YWHAQ: variants seen among roughly 807,000 people sequenced by gnomAD.
YWHAQ encodes the protein 14-3-3 protein theta.
In YWHAQ, 6 loss-of-function variants were observed where a neutral mutation model predicts 28.3. The observed-to-expected ratio is 0.21, with a 90% confidence interval of 0.12 to 0.42. The LOEUF is 0.42. Ranked by LOEUF, YWHAQ falls within the 10% of genes least tolerant of loss-of-function variation. The pLI, the probability that YWHAQ is intolerant of heterozygous loss-of-function variation, is 1.00. For missense variants in YWHAQ, 201 were observed against 305.6 expected (o/e 0.66, Z 2.55); for synonymous variants, 143 against 119.1 (o/e 1.20, Z -1.31).
rs367832498 is a variant in YWHAQ at position 9,588,247 on chromosome 2, C to A, written c.500G>T (p.Arg167Leu). 2 of 1,608,072 alleles carry A rather than the reference C, an allele frequency of 1.2e-6. No homozygotes were observed. The highest frequency in any genetic ancestry group is 1.7e-6 in the Non-Finnish European group (2 of 1,178,484). The change falls in exon 4 of 6, where the codon CGC (arginine) becomes CTC (leucine). Residue 167 changes from arginine to leucine, a missense_variant. By Grantham distance (102) the Arg-to-Leu change is moderately radical. Transcript: ENST00000238081. ...AGAAAAGTTAAGAGCAAGCCCCAGG[C>A]GGATTGGGTGTGTGGGTTGCATCTC... Reference protein sequence around the residue: ...KKEMQPTHPIRLGLALNFSVF... With the variant: ...KKEMQPTHPILLGLALNFSVF...
chr2:9,630,099 A>G lies in YWHAQ; in HGVS notation c.294+60T>C. On this transcript the variant is annotated intron_variant, in intron 2 of 5. Transcript: ENST00000238081. The surrounding 1 kb of genome is among the most constrained non-coding windows in gnomAD (Gnocchi z 5.6). ...CTCACGTTTGTTTCCGTGCCCGCGA[A>G]ACTCTCAATGAAAAGCATCTCACAA... 2 of 1,559,480 alleles carry G rather than the reference A, an allele frequency of 1.3e-6. No homozygotes were observed. Among genetic ancestry groups the G allele is most frequent in the Admixed American group, 3.6e-5 (2 of 56,180 alleles).
chr2:9,618,674 ATTT>A (rs34048944), intron 2 of YWHAQ, among the ~76,000 whole-genome samples: 1 of 134,590 alleles, frequency 7.4e-6, no homozygotes, highest in Admixed American at 7.5e-5. Context: ...CACTGTTTTG[ATTT>A]TTTTTTTTTT....
At chr2:9,606,476 A>G (rs112191006) in intron 2 of YWHAQ, among the ~76,000 whole-genome samples, 146 of 152,320 alleles carry the variant, frequency 9.6e-4, no homozygotes, top group African/African-American at 3.1e-3. Context: ...ACCTTACTAC[A>G]GTTTTATTAG....
chr2:9,607,455 C>G (rs1256009112), intron 2 of YWHAQ, among the ~76,000 whole-genome samples: 2 of 150,938 alleles, frequency 1.3e-5, no homozygotes, highest in African/African-American at 4.9e-5. Flanking sequence ...GATCCACCCC[C>G]CTCGGCTTCC....
chr2:9,607,903 G>A (rs556098421), intron 2 of YWHAQ, among the ~76,000 whole-genome samples: 1 of 151,730 alleles, frequency 6.6e-6, no homozygotes, highest in Non-Finnish European at 1.5e-5. Context: ...GTAGAGACGG[G>A]GTTTTCGCCA....
chr2:9,598,011 T>TG (rs1553373002), intron 2 of YWHAQ, among the ~76,000 whole-genome samples: 9 of 137,102 alleles, frequency 6.6e-5, no homozygotes, highest in Non-Finnish European at 1.4e-4. Flanking sequence ...TTTTTTTTTT[T>TG]TTAGTAGAGA....
At chr2:9,617,862 G>A (rs1408195602) in intron 2 of YWHAQ, among the ~76,000 whole-genome samples, 1 of 151,940 alleles carries the variant, frequency 6.6e-6, no homozygotes, top group African/African-American at 2.4e-5. Flanking sequence ...AGGAGTTTGA[G>A]GATGCAGTGA....
chr2:9,623,482 T>C (rs1299120220), intron 2 of YWHAQ, among the ~76,000 whole-genome samples: 4 of 152,180 alleles, frequency 2.6e-5, no homozygotes, highest in Non-Finnish European at 5.9e-5. Flanking sequence ...GCATTAAAAG[T>C]CTGAACCACG....
chr2:9,585,187 T>C lies in YWHAQ; in HGVS notation c.*99A>G. On this transcript the variant is annotated 3_prime_UTR_variant, in exon 6 of 6. Transcript: ENST00000238081. ...CTATAAACAGTTGATTCCATACACATGAATGGGTTTCTTTGCTATAGGAAA... is the reference window on the plus strand; with the variant it reads ...CTATAAACAGTTGATTCCATACACACGAATGGGTTTCTTTGCTATAGGAAA... 1.2e-5 allele frequency: 16 copies of C among 1,318,022 alleles called. No homozygotes were observed. The highest frequency in any genetic ancestry group is 1.7e-5 in the Non-Finnish European group (16 of 917,796). 81.6% of individuals were successfully genotyped at this position (1,318,022 alleles called of 1,614,324 possible).
At chr2:9,623,946 A>G (rs1026306892) in intron 2 of YWHAQ, among the ~76,000 whole-genome samples, 2 of 152,166 alleles carry the variant, frequency 1.3e-5, no homozygotes, top group African/African-American at 2.4e-5. Context: ...AGGGCTTTGG[A>G]GACAACTATG....
intron 2 of YWHAQ, 141 bp from the exon 3 acceptor site, chr2:9,591,656 G>A: frequency 8.9e-7 from 1 of 1,118,104 alleles, no homozygotes; most frequent in South Asian, 2.1e-5. Flanking sequence ...TGGACTTGAA[G>A]CATGTTCTTA....
rs1309583828 is a variant in YWHAQ, at chr2:9,630,278, A to G, written c.175T>C (p.Trp59Arg). 6.2e-7 allele frequency: 1 copy of G among 1,614,166 alleles called. No homozygotes were observed. Among genetic ancestry groups the G allele is most frequent in the Non-Finnish European group, 8.5e-7 (1 of 1,180,032 alleles). Residue 59 changes from tryptophan (W) to arginine (R), a missense_variant, in exon 2 of 6, where the codon TGG (tryptophan) becomes CGG (arginine). Transcript: ENST00000238081. This position sits in a 1 kb window ranked among gnomAD's most constrained non-coding sequence, Gnocchi z 5.6. ...TGCTCGATGCTAGAGATGACCCTCC[A>G]GGCGGACCTGCGGCCCCCGACCACG... ...KNVVGGRRSA[W>R]RVISSIEQKT...
At chr2:9,612,290 C>A (rs1386389328) in intron 2 of YWHAQ, among the ~76,000 whole-genome samples, 1 of 152,220 alleles carries the variant, frequency 6.6e-6, no homozygotes, top group Non-Finnish European at 1.5e-5. Context: ...CCAGATTAAT[C>A]TTAAATTCCA....
intron 5 of YWHAQ, among the ~76,000 whole-genome samples, chr2:9,585,591 G>A (rs1666326888): frequency 6.6e-6 from 1 of 152,016 alleles, no homozygotes; most frequent in Non-Finnish European, 1.5e-5. Context: ...ACTGGAGCAT[G>A]GTTTTATAGC....
intron 2 of YWHAQ, among the ~76,000 whole-genome samples, chr2:9,594,106 A>C (rs957983102): frequency 2.2e-4 from 34 of 151,992 alleles, no homozygotes; most frequent in African/African-American, 8.2e-4. Flanking sequence ...AAAGTTGCTG[A>C]GCCAGGAGTG....
intron 2 of YWHAQ, among the ~76,000 whole-genome samples, chr2:9,612,056 T>G (rs1404966014): frequency 2.0e-5 from 3 of 152,260 alleles, no homozygotes; most frequent in Admixed American, 6.5e-5. Flanking sequence ...ACACTACCTC[T>G]GAGTTTTCAC....
rs13398449 is a variant in YWHAQ, at chr2:9,618,663, C to T, written c.294+11496G>A. Among the ~76,000 whole-genome samples, 830 of 151,034 alleles carry T rather than the reference C, an allele frequency of 5.5e-3. 14 individuals carry two copies. Among genetic ancestry groups the T allele is most frequent in the African/African-American group, 0.019 (794 of 41,200 alleles). On this transcript the variant is annotated intron_variant, in intron 2 of 5. Transcript: ENST00000238081. ...TCACAGGCACATACCACATCCCCAG[C>T]CACTGTTTTGATTTTTTTTTTTTTT...
At chr2:9,587,036 T>C (rs1426530609) in intron 5 of YWHAQ, among the ~76,000 whole-genome samples, 4 of 152,222 alleles carry the variant, frequency 2.6e-5, no homozygotes, top group African/African-American at 9.6e-5. Flanking sequence ...AAACTTTTAT[T>C]AGAACAAGGT....
chr2:9,591,983 T>C (rs1572987408), intron 2 of YWHAQ, among the ~76,000 whole-genome samples: 1 of 152,212 alleles, frequency 6.6e-6, no homozygotes, highest in Non-Finnish European at 1.5e-5. Context: ...CTGCTGGAGA[T>C]GGCCTCCAGT....
Sources: allele counts gnomAD v4.1 joint callset (sites outside exome capture counted in the v4.1 genomes callset), GRCh38; gene constraint gnomAD v4.1.1; non-coding constraint Gnocchi (gnomAD v3.1); transcripts MANE v1.5; gene names NCBI Gene and HGNC (gene_info 2026-07-23, HGNC 2026-07-21).